Variants in PCBP3 observed in about 807,000 individuals in gnomAD.
PCBP3 encodes the protein poly(rC) binding protein 3, also known as poly(rC)-binding protein 3.
Under a neutral mutation model 52.7 loss-of-function variants are expected in PCBP3, and 25 were observed. That is an observed-to-expected ratio of 0.47 (90% confidence interval 0.35 to 0.66). PCBP3 has a LOEUF of 0.66. PCBP3 is among the 30% of genes least tolerant of loss of function. The probability of loss-of-function intolerance (pLI) is 0.01; values close to 1 mark genes in which losing one functional copy is unlikely to be tolerated. For synonymous variants in PCBP3, 162 were observed against 183.0 expected (o/e 0.89, Z 0.93); for missense variants, 391 against 490.3 (o/e 0.80, Z 1.91).
At chr21:45,777,948 A>AT (rs1239832278) in intron 4 of PCBP3, among the ~76,000 whole-genome samples, 2 of 137,214 alleles carry the variant, frequency 1.5e-5, no homozygotes, top group African/African-American at 5.3e-5. Flanking sequence ...ATGGAGAATT[A>AT]TTGTGTTCCT....
intron 16 of PCBP3, among the ~76,000 whole-genome samples, chr21:45,939,456 C>G (rs990683673): frequency 6.6e-6 from 1 of 152,268 alleles, no homozygotes; most frequent in African/African-American, 2.4e-5. Context: ...GGGGTCCCAA[C>G]AGGGGAATGA....
intron 4 of PCBP3, among the ~76,000 whole-genome samples, chr21:45,776,597 G>A (rs1369646195): frequency 1.3e-5 from 2 of 151,452 alleles, no homozygotes; most frequent in Admixed American, 1.3e-4. Flanking sequence ...CCTCTTCCTG[G>A]ATTGATCCAT....
At chr21:45,784,584 C>T (rs1028495906) in intron 4 of PCBP3, among the ~76,000 whole-genome samples, 97 of 152,302 alleles carry the variant, frequency 6.4e-4, no homozygotes, top group Non-Finnish European at 1.9e-4. Context: ...CCTCAGCCTG[C>T]CGAGTGCCTG....
intron 4 of PCBP3, among the ~76,000 whole-genome samples, chr21:45,822,838 C>G (rs1028200188): frequency 6.6e-6 from 1 of 152,188 alleles, no homozygotes; most frequent in African/African-American, 2.4e-5. Context: ...GGCTATCCCT[C>G]TGCTGGGATC....
intron 4 of PCBP3, among the ~76,000 whole-genome samples, chr21:45,841,798 A>G (rs1399229632): frequency 1.3e-5 from 2 of 152,210 alleles, no homozygotes; most frequent in Non-Finnish European, 2.9e-5. Flanking sequence ...CTCAGCAACC[A>G]AGAGGTCTCT....
chr21:45,838,166 G>A (rs1166470139), intron 4 of PCBP3, among the ~76,000 whole-genome samples: 6 of 152,212 alleles, frequency 3.9e-5, no homozygotes, highest in African/African-American at 9.7e-5. Context: ...TCCCTGTGAA[G>A]CATCATTGTT....
In PCBP3 at chr21:45,821,780, T is replaced by C. The variant is rs1391370417; in HGVS notation, c.-125-28181T>C. Among the ~76,000 whole-genome samples, 1 of 152,170 alleles carries C rather than the reference T, an allele frequency of 6.6e-6. No individual in the cohort carries two copies. The highest frequency in any genetic ancestry group is 1.5e-5 in the Non-Finnish European group (1 of 68,030). On this transcript the variant is annotated intron_variant, in intron 4 of 17. Transcript: ENST00000681687. The surrounding 1 kb of genome is among the most constrained non-coding windows in gnomAD (Gnocchi z 4.4). ...GGGGTTGGGGTTCTGTTCCCTCTAC[T>C]GTACTGGAGCTCCAGGTCATGGGAG... is the stretch of plus-strand genomic sequence containing the variant.
At chr21:45,646,781 T>C (rs1466896436) in intron 1 of PCBP3, among the ~76,000 whole-genome samples, 2 of 152,218 alleles carry the variant, frequency 1.3e-5, no homozygotes, top group Non-Finnish European at 2.9e-5. Context: ...GACATACATC[T>C]GTAGGCATAT....
In PCBP3 at chr21:45,880,102, C is replaced by T. The variant is rs902500792; in HGVS notation, c.11-16106C>T. 1.3e-5 allele frequency among the ~76,000 whole-genome samples: 2 copies of T among 152,194 alleles called. No homozygotes were observed. The highest frequency in any genetic ancestry group is 2.9e-5 in the Non-Finnish European group (2 of 68,032). ...GTGGCGTGAGAGTCCATCCTGGTTT[C>T]GTGGCATTTTTCTCTGCATCCTTTT... On this transcript the variant is annotated intron_variant, in intron 5 of 17. Coordinates refer to ENST00000681687, the MANE Select transcript of PCBP3 (RefSeq NM_001384156.1). This position sits in a 1 kb window ranked among gnomAD's most constrained non-coding sequence, Gnocchi z 5.4.
intron 2 of PCBP3, among the ~76,000 whole-genome samples, chr21:45,675,390 C>T (rs2081401511): frequency 6.6e-6 from 1 of 152,182 alleles, no homozygotes; most frequent in South Asian, 2.1e-4. Flanking sequence ...AACCCACAGG[C>T]AAGGCCCAAA....
rs953033876 is a variant in PCBP3, at chr21:45,880,606, A to C, written c.11-15602A>C. Among the ~76,000 whole-genome samples, 2 of 152,078 alleles carry C rather than the reference A, an allele frequency of 1.3e-5. No individual in the cohort carries two copies. The highest frequency in any genetic ancestry group is 2.9e-5 in the Non-Finnish European group (2 of 68,038). On this transcript the variant is annotated intron_variant, in intron 5 of 17. Coordinates refer to ENST00000681687, the MANE Select transcript of PCBP3 (RefSeq NM_001384156.1). This position sits in a 1 kb window ranked among gnomAD's most constrained non-coding sequence, Gnocchi z 5.4. ...TACATACTGCGCCCCCTTGTGGGCC[A>C]AGAGTGGTGCTGGGAACTGGGGATT...
chr21:45,891,959 C>CT (rs978805729), intron 5 of PCBP3, among the ~76,000 whole-genome samples: 12 of 152,222 alleles, frequency 7.9e-5, no homozygotes, highest in South Asian at 4.1e-4. Flanking sequence ...CACAGCCTGC[C>CT]TTCCACAGAG....
intron 1 of PCBP3, among the ~76,000 whole-genome samples, chr21:45,644,371 C>T (rs1333047949): frequency 1.3e-5 from 2 of 151,858 alleles, no homozygotes; most frequent in Non-Finnish European, 2.9e-5. Context: ...TGCGGAGAGC[C>T]GCGCGCGGGC....
chr21:45,739,781 C>T (rs1255433398), intron 3 of PCBP3, among the ~76,000 whole-genome samples: 1 of 150,224 alleles, frequency 6.7e-6, no homozygotes, highest in Non-Finnish European at 1.5e-5. Flanking sequence ...CTGCCCATGG[C>T]CCTCTGGGTG....
Position 45,896,304 on chromosome 21 carries a change from A to G in PCBP3, c.107A>G (p.Lys36Arg), listed in dbSNP as rs1239849569. Reference protein sequence around the residue: ...QPQFGRRMESKVSEGGLNVTL... With the variant: ...QPQFGRRMESRVSEGGLNVTL... ...CAATTTGGCAGAAGGATGGAGTCCA[A>G]GGTCTCAGAAGGTGGCCTGAATGTG... is the stretch of plus-strand genomic sequence containing the variant. The change falls in exon 6 of 18, where the codon AAG (lysine) becomes AGG (arginine). Residue 36 changes from lysine (K) to arginine (R), a missense_variant. Lys to Arg is a conservative substitution (Grantham distance 26, BLOSUM62 2). Coordinates refer to ENST00000681687, the MANE Select transcript of PCBP3 (RefSeq NM_001384156.1). The G allele has an allele frequency of 6.4e-6, 10 of 1,552,048 alleles. No individual in the cohort carries two copies. The highest frequency in any genetic ancestry group is 5.9e-5 in the Admixed American group (3 of 51,020).
intron 4 of PCBP3, among the ~76,000 whole-genome samples, chr21:45,845,565 C>T (rs969632751): frequency 5.9e-5 from 9 of 151,386 alleles, no homozygotes; most frequent in Non-Finnish European, 1.3e-4. Flanking sequence ...GCTGCTTAAG[C>T]ACCCGTGTGC....
chr21:45,809,690 T>C (rs2092623741), intron 4 of PCBP3, among the ~76,000 whole-genome samples: 1 of 152,260 alleles, frequency 6.6e-6, no homozygotes, highest in Non-Finnish European at 1.5e-5. Context: ...GCTGCTATGC[T>C]GCGATCCGGG....
At chr21:45,873,289 C>T (rs1272519356) in intron 5 of PCBP3, 4 of 152,190 alleles carry the variant, frequency 2.6e-5, no homozygotes, top group South Asian at 4.2e-4. Flanking sequence ...CTGTGAGCAA[C>T]CCAGAAATAT....
At chr21:45,824,545 C>T (rs2093254615) in intron 4 of PCBP3, among the ~76,000 whole-genome samples, 2 of 152,228 alleles carry the variant, frequency 1.3e-5, no homozygotes, top group Non-Finnish European at 2.9e-5. Context: ...GTAGAACCAG[C>T]CTGTGTTCAC....
Sources: gnomAD v4.1 joint callset for allele counts (sites outside exome capture counted in the v4.1 genomes callset) on GRCh38, gnomAD v4.1.1 for gene constraint, Gnocchi (gnomAD v3.1) non-coding constraint, MANE v1.5 for transcripts, NCBI Gene and HGNC (gene_info 2026-07-23, HGNC 2026-07-21) for gene names.